DRC3: variants seen among roughly 807,000 people sequenced by gnomAD.
The protein encoded by DRC3 is leucine rich repeat containing 48.
In DRC3, 45 loss-of-function variants were observed where a neutral mutation model predicts 57.6. The observed-to-expected ratio is 0.78, with a 90% confidence interval of 0.62 to 1.00. The LOEUF (loss-of-function observed/expected upper bound fraction) is 1.00, where lower values mean the gene tolerates loss of function less well. Among genes scored for constraint, DRC3 ranks in the 50% least tolerant of loss-of-function variants. The probability of loss-of-function intolerance (pLI) is 0.00; values close to 1 mark genes in which losing one functional copy is unlikely to be tolerated. For missense variants in DRC3, 655 were observed against 675.2 expected, an observed-to-expected ratio of 0.97 and a Z score of 0.33; for synonymous variants, 257 against 272.3, an observed-to-expected ratio of 0.94 and a Z score of 0.55.
At chr17:17,983,168 G>T (rs1052196000) in intron 3 of DRC3, among the ~76,000 whole-genome samples, 1 of 152,180 alleles carries the variant, frequency 6.6e-6, no homozygotes, top group Non-Finnish European at 1.5e-5. Context: ...AGGCACTTCC[G>T]TGATATCAGG....
intron 1 of DRC3, among the ~76,000 whole-genome samples, chr17:17,973,507 C>T (rs2145156041): frequency 6.6e-6 from 1 of 152,304 alleles, no homozygotes; most frequent in East Asian, 1.9e-4. Flanking sequence ...TTAGGACTCC[C>T]TTTTTATGGC....
At chr17:17,989,446 A>T (rs918748035) in intron 5 of DRC3, 2 of 152,076 alleles carry the variant, frequency 1.3e-5, no homozygotes, top group African/African-American at 4.8e-5. Context: ...TTTGAGGGGG[A>T]TTGTGAGAAT....
intron 2 of DRC3, among the ~76,000 whole-genome samples, chr17:17,974,972 G>A (rs985125224): frequency 2.6e-5 from 4 of 152,190 alleles, no homozygotes; most frequent in African/African-American, 9.7e-5. Flanking sequence ...GAAAGCCAAG[G>A]CTTAGATAGG....
At chr17:18,006,537 C>T (rs752467159) in intron 11 of DRC3, 79 of 503,622 alleles carry the variant, frequency 1.6e-4, no homozygotes, top group Non-Finnish European at 2.4e-4. Context: ...GCAACCCCCA[C>T]GTGGAAGACA....
At chr17:18,005,794 A>T (rs977333850) in intron 10 of DRC3, 3 of 219,824 alleles carry the variant, frequency 1.4e-5, no homozygotes, top group Admixed American at 5.1e-5. Flanking sequence ...TGACCCAGGC[A>T]GTCTAGCTCT....
intron 9 of DRC3, among the ~76,000 whole-genome samples, chr17:17,999,779 G>A (rs1450190301): frequency 6.6e-6 from 1 of 152,246 alleles, no homozygotes; most frequent in East Asian, 1.9e-4. Flanking sequence ...GCAAGGCCTG[G>A]AGCAGAGTCA....
In DRC3 at chr17:18,016,126, G is replaced by A. The variant is rs769696903; in HGVS notation, c.1389G>A (p.Leu463=). The part of the protein sequence containing the change: ...AVGASHDIHL[L]KIDNREDELV... ...GGGCATCGCACGACATCCACCTCCTGAAGATTGACAATCGAGAAGATGAGC... is the reference window on the plus strand; with the variant it reads ...GGGCATCGCACGACATCCACCTCCTAAAGATTGACAATCGAGAAGATGAGC... The change falls in exon 13 of 14, where the codon CTG becomes CTA. Residue 463 remains leucine, a synonymous_variant. Coordinates refer to ENST00000399187, the MANE Select transcript of DRC3 (RefSeq NM_031294.4). 3 of 1,613,936 alleles carry A rather than the reference G, an allele frequency of 1.9e-6. No homozygotes were observed. The South Asian group carries it at 3.3e-5, about 18-fold the overall frequency.
intron 3 of DRC3, among the ~76,000 whole-genome samples, chr17:17,982,912 A>G (rs1382892257): frequency 6.6e-6 from 1 of 152,380 alleles, no homozygotes; most frequent in Admixed American, 6.5e-5. Context: ...TTTAGAAATC[A>G]TTACAAAAGC....
At chr17:17,993,224 G>A (rs371576137) in intron 6 of DRC3, 14 of 239,806 alleles carry the variant, frequency 5.8e-5, no homozygotes, top group South Asian at 3.1e-4. Flanking sequence ...AGTGGCTCAC[G>A]CCTGTAATCC....
intron 5 of DRC3, chr17:17,988,391 A>G (rs2043061878): frequency 1.3e-5 from 5 of 389,114 alleles, no homozygotes; most frequent in South Asian, 1.3e-4. Context: ...CATACCTGTT[A>G]GTGTTGGGCG....
intron 10 of DRC3, chr17:18,004,807 A>AC (rs2043888173): frequency 3.6e-6 from 1 of 275,278 alleles, no homozygotes; most frequent in African/African-American, 2.2e-5. Context: ...GGCAAAGCGC[A>AC]CCCCCACTTG....
chr17:17,980,640 G>A (rs1334381719), intron 3 of DRC3, among the ~76,000 whole-genome samples: 1 of 148,652 alleles, frequency 6.7e-6, no homozygotes, highest in Non-Finnish European at 1.5e-5. Context: ...CTGTCGCCAG[G>A]CTAGAGTGCA....
At chr17:18,016,434 C>A in intron 13 of DRC3, 124 bp from the exon 14 acceptor site, 1 of 811,524 alleles carries the variant, frequency 1.2e-6, no homozygotes, top group Non-Finnish European at 2.0e-6. Context: ...CCTGGGGAGG[C>A]GCTGAAGCAA....
chr17:18,014,028 G>A (rs892550881), intron 12 of DRC3, among the ~76,000 whole-genome samples: 2 of 151,444 alleles, frequency 1.3e-5, no homozygotes, highest in African/African-American at 4.9e-5. Context: ...GGCCTCCCAG[G>A]TTCAAGCTAT....
rs1490736472 is a variant in DRC3 at position 18,016,176 on chromosome 17, G to T, written c.1439G>T (p.Cys480Phe). The change falls in exon 13 of 14, where the codon TGT becomes TTT. Residue 480 changes from cysteine (C) to phenylalanine (F), a missense_variant. Transcript: ENST00000399187. ...DELVTRINSWCTRLIDRIHKD... is the reference protein window; with the variant it reads ...DELVTRINSWFTRLIDRIHKD... ...CTGGTGACCAGAATCAACTCTTGGT[G>T]TACACGTTTAATAGACAGGGTGAGT... The T allele has an allele frequency of 1.2e-6, 2 of 1,613,972 alleles. No homozygotes were observed. The highest frequency in any genetic ancestry group is 1.1e-5 in the South Asian group (1 of 91,082).
At chr17:17,976,799 C>T (rs1281629796) in intron 2 of DRC3, among the ~76,000 whole-genome samples, 1 of 152,172 alleles carries the variant, frequency 6.6e-6, no homozygotes. Context: ...GACTGGAAAG[C>T]CAGCAAGAAG....
intron 10 of DRC3, 100 bp downstream of exon 10, chr17:18,004,594 T>G (rs2043877750): frequency 7.2e-7 from 1 of 1,392,074 alleles, no homozygotes; most frequent in Non-Finnish European, 9.8e-7. Context: ...GCTGGAAACG[T>G]CCAGCACGAC....
intron 5 of DRC3, among the ~76,000 whole-genome samples, chr17:17,990,947 C>T (rs554866228): frequency 7.2e-5 from 11 of 152,180 alleles, no homozygotes; most frequent in African/African-American, 1.7e-4. Context: ...GCCGAGATCG[C>T]GCCACTGCAC....
chr17:17,997,078 G>T (rs2043486718), intron 8 of DRC3, among the ~76,000 whole-genome samples: 1 of 152,126 alleles, frequency 6.6e-6, no homozygotes, highest in African/African-American at 2.4e-5. Flanking sequence ...AACGCACACT[G>T]CCTGCTTCCC....
Sources: gnomAD v4.1 joint callset for allele counts (sites outside exome capture counted in the v4.1 genomes callset) on GRCh38, gnomAD v4.1.1 for gene constraint, MANE v1.5 for transcripts, NCBI Gene and HGNC (gene_info 2026-07-23, HGNC 2026-07-21) for gene names.